The following PDHB variants were observed in gnomAD, a reference collection of about 807,000 sequenced individuals.
The protein encoded by PDHB is pyruvate dehydrogenase E1 subunit beta.
In PDHB, 17 loss-of-function variants were observed where a neutral mutation model predicts 42.8. That is an observed-to-expected ratio of 0.40 (90% CI 0.27 to 0.60). The LOEUF is 0.60. Ranked by LOEUF, PDHB falls within the 20% of genes least tolerant of loss-of-function variation. The pLI, the probability that PDHB is intolerant of heterozygous loss-of-function variation, is 0.46. For synonymous variants in PDHB, 154 were observed against 148.7 expected (o/e 1.04, Z -0.26); for missense variants, 322 against 451.3 (o/e 0.71, Z 2.60).
At chr3:58,428,351 C>G (rs753764192) in intron 9 of PDHB, 122 bp downstream of exon 9, 10 of 1,290,110 alleles carry the variant, frequency 7.8e-6, no homozygotes, top group South Asian at 3.6e-5. Context: ...GCCAAACTTA[C>G]AAGTTTAAAG....
Position 58,431,885 on chromosome 3 carries a change from C to T in PDHB, c.196G>A (p.Ala66Thr), listed in dbSNP as rs749682039. Residue 66 changes from alanine to threonine, a missense_variant, in exon 3 of 10, where the codon GCA becomes ACA. Ala to Thr is a moderately conservative substitution (Grantham distance 58). Coordinates refer to ENST00000302746, the MANE Select transcript of PDHB (RefSeq NM_000925.4). This position sits in a 1 kb window ranked among gnomAD's most constrained non-coding sequence, Gnocchi z 4.4. ...TCATATATTTTAGTTACCTTGTATG[C>T]CCCATCATACTGGGCAACTTCTTCT... ...LGEEVAQYDG[A>T]YKVSRGLWKK... is the part of the protein sequence containing the mutation. The T allele has an allele frequency of 3.1e-6, 5 of 1,610,584 alleles. No individual in the cohort carries two copies. Among genetic ancestry groups the T allele is most frequent in the Non-Finnish European group, 4.2e-6 (5 of 1,176,888 alleles).
At chr3:58,432,199 A>T in intron 2 of PDHB, 1 of 578,594 alleles carries the variant, frequency 1.7e-6, no homozygotes, top group Non-Finnish European at 3.1e-6. Context: ...ACTAGGTGCC[A>T]AGTACTGCCA....
Position 58,431,011 on chromosome 3 carries a change from C to T in PDHB, c.304-69G>A. 7.4e-7 allele frequency: 1 copy of T among 1,345,834 alleles called. No homozygotes were observed. 83.4% of individuals were successfully genotyped at this position (1,345,834 alleles called of 1,614,324 possible). A position where few individuals can be genotyped will look rare whatever the true frequency, so the allele number is the denominator to read the frequency against. ...AACAAACAGTAGCAAACAAATCACTCCAAGTCTTCCAACATTCAAATAATG... is the reference window on the plus strand; with the variant it reads ...AACAAACAGTAGCAAACAAATCACTTCAAGTCTTCCAACATTCAAATAATG... On this transcript the variant is annotated intron_variant, in intron 5 of 9. Coordinates refer to ENST00000302746, the MANE Select transcript of PDHB (RefSeq NM_000925.4). The surrounding 1 kb of genome is among the most constrained non-coding windows in gnomAD (Gnocchi z 4.4).
chr3:58,432,876 C>G (rs2107942501), intron 2 of PDHB: 1 of 152,196 alleles, frequency 6.6e-6, no homozygotes, highest in South Asian at 2.1e-4. Context: ...GCACCGGCAT[C>G]TAATCACAGC....
intron 8 of PDHB, 56 bp downstream of exon 8, chr3:58,429,652 C>G: frequency 9.3e-7 from 1 of 1,075,840 alleles, no homozygotes; most frequent in Admixed American, 1.7e-5. Flanking sequence ...TCTTCTGGGT[C>G]TTAAATCTAA....
rs1003377708 is a variant in PDHB, at chr3:58,427,982, G to C, written c.*52C>G. The C allele has an allele frequency of 1.5e-6, 2 of 1,365,174 alleles. No homozygotes were observed. The highest frequency in any genetic ancestry group is 1.7e-5 in the Admixed American group (1 of 57,852). The allele number at this position is 1,365,174 out of a possible 1,614,324, so 84.6% of individuals were successfully genotyped here. A position where few individuals can be genotyped will look rare whatever the true frequency, so the allele number is the denominator to read the frequency against. The stretch of plus-strand genomic sequence containing the variant: ...GTCTTGCAGTACAAATCCAGGTGCA[G>C]TGCCAGCAAGTATTTCAAATAAATT... On this transcript the variant is annotated 3_prime_UTR_variant, in exon 10 of 10. Transcript: ENST00000302746.
At chr3:58,430,979 A>G (rs1485551345) in intron 5 of PDHB, 37 bp from the exon 6 acceptor site, 1 of 1,557,428 alleles carries the variant, frequency 6.4e-7, no homozygotes, top group Non-Finnish European at 8.9e-7. Context: ...AAAAGACTAG[A>G]AACAGCAACA....
intron 8 of PDHB, 91 bp downstream of exon 8, chr3:58,429,617 A>G: frequency 1.2e-6 from 1 of 840,620 alleles, no homozygotes; most frequent in Non-Finnish European, 2.1e-6. Context: ...GCAAGGTTTT[A>G]CATCTAATTA....
rs775723468 is a variant in PDHB at position 58,430,646 on chromosome 3, C to T, written c.589+11G>A. 7 of 1,611,414 alleles carry T rather than the reference C, an allele frequency of 4.3e-6. No individual in the cohort carries two copies. The highest frequency in any genetic ancestry group is 5.9e-6 in the Non-Finnish European group (7 of 1,178,648). ...AATCTTCAAAAAAAACCAAAGGGTC[C>T]CTGTGCTGACCTGGATTGTTATCCC... On this transcript the variant is annotated intron_variant, in intron 6 of 9. Coordinates refer to ENST00000302746, the MANE Select transcript of PDHB (RefSeq NM_000925.4).
chr3:58,433,388 G>C, intron 2 of PDHB: 2 of 597,854 alleles, frequency 3.3e-6, no homozygotes, highest in East Asian at 2.8e-5. Context: ...AACATGGAGT[G>C]AGGGAGGAAA....
chr3:58,432,163 T>C (rs2062926095), intron 2 of PDHB, 179 bp from the exon 3 acceptor site: 2 of 641,710 alleles, frequency 3.1e-6, no homozygotes, highest in African/African-American at 3.6e-5. Context: ...AGTTGGTCTT[T>C]GCATGTGTTA....
chr3:58,431,480 G>C lies in PDHB; in HGVS notation c.303+113C>G. 2 of 851,388 alleles carry C rather than the reference G, an allele frequency of 2.3e-6. No homozygotes were observed. The highest frequency in any genetic ancestry group is 4.0e-6 in the Non-Finnish European group (2 of 500,556). 52.7% of individuals were successfully genotyped at this position (851,388 alleles called of 1,614,324 possible). A position where few individuals can be genotyped will look rare whatever the true frequency, so the allele number is the denominator to read the frequency against. ...GGAGAATTGCTTGAACCTGGAAGCT[G>C]AGATGGTGCCAGTGCACTCCAGGCT... On this transcript the variant is annotated intron_variant, in intron 5 of 9. Coordinates refer to ENST00000302746, the MANE Select transcript of PDHB (RefSeq NM_000925.4). This position sits in a 1 kb window ranked among gnomAD's most constrained non-coding sequence, Gnocchi z 4.4.
intron 2 of PDHB, 28 bp from the exon 3 acceptor site, chr3:58,432,012 T>A (rs750473348): frequency 2.0e-6 from 3 of 1,482,220 alleles, no homozygotes; most frequent in Non-Finnish European, 1.9e-6. Context: ...AAACAGTCAA[T>A]ACAGAATTGT....
intron 9 of PDHB, 137 bp from the exon 10 acceptor site, chr3:58,428,316 T>TA (rs1256212790): frequency 6.5e-6 from 8 of 1,225,954 alleles, no homozygotes; most frequent in Non-Finnish European, 9.5e-6. Flanking sequence ...GATTTGCTTT[T>TA]AAAAATATCT....
intron 9 of PDHB, 128 bp from the exon 10 acceptor site, chr3:58,428,307 A>G (rs2062890935): frequency 8.2e-7 from 1 of 1,221,114 alleles, no homozygotes; most frequent in Non-Finnish European, 1.2e-6. Flanking sequence ...CGCTTTCTGG[A>G]TTTGCTTTTA....
At chr3:58,428,761 C>T in intron 8 of PDHB, 147 bp from the exon 9 acceptor site, 1 of 714,232 alleles carries the variant, frequency 1.4e-6, no homozygotes, top group African/African-American at 1.8e-5. Flanking sequence ...CATGAATGTA[C>T]AAACTGTAAA....
chr3:58,428,409 G>A (rs191037973), intron 9 of PDHB, 64 bp downstream of exon 9: 122 of 1,507,650 alleles, frequency 8.1e-5, no homozygotes, highest in Non-Finnish European at 1.0e-4. Flanking sequence ...TATCCTGTAC[G>A]TATTCAGGTA....
chr3:58,429,348 G>A (rs1334928652), intron 8 of PDHB, among the ~76,000 whole-genome samples: 2 of 151,916 alleles, frequency 1.3e-5, no homozygotes. Context: ...GGGTGAGGTG[G>A]GAGCATCACT....
In PDHB at chr3:58,430,932, C is replaced by T. The variant is rs868788199; in HGVS notation, c.314G>A (p.Arg105Gln). ...GAAGGTCATAAATTCACAAATGGGC[C>T]GCAACCCAGCCTGTAAAATCAAAAA... ...IAVGAAMAGL[R>Q]PICEFMTFNF... Residue 105 changes from arginine to glutamine, a missense_variant, in exon 6 of 10, where the codon CGG becomes CAG. This residue lies in a region of PDHB where 56 missense variants were observed against 124.2 expected (regional missense o/e 0.45). Transcript: ENST00000302746. 1.2e-6 allele frequency: 2 copies of T among 1,614,062 alleles called. No homozygotes were observed. The highest frequency in any genetic ancestry group is 2.2e-5 in the East Asian group (1 of 44,896).
Sources: allele counts gnomAD v4.1 joint callset (sites outside exome capture counted in the v4.1 genomes callset), GRCh38; gene constraint gnomAD v4.1.1; regional missense constraint gnomAD v4.1.1; non-coding constraint Gnocchi (gnomAD v3.1); transcripts MANE v1.5; gene names NCBI Gene and HGNC (gene_info 2026-07-23, HGNC 2026-07-21).